The following TTC23 variants were observed in gnomAD, a reference collection of about 807,000 sequenced individuals.
TTC23 encodes tetratricopeptide repeat domain 23.
In TTC23, 58 loss-of-function variants were observed where a neutral mutation model predicts 55.1. The ratio of observed to expected loss-of-function variants is 1.05; its 90% CI spans 0.85 to 1.31. The LOEUF is 1.31. Ranked by LOEUF, TTC23 falls within the 50% of genes most tolerant of loss-of-function variation. The probability of loss-of-function intolerance (pLI) is 0.00; values close to 1 mark genes in which losing one functional copy is unlikely to be tolerated. For missense variants in TTC23, 516 were observed against 534.4 expected (o/e 0.97, Z 0.34); for synonymous variants, 203 against 199.9 (o/e 1.02, Z -0.13).
chr15:99,182,006 T>G (rs150338369), intron 9 of TTC23, among the ~76,000 whole-genome samples: 1 of 152,318 alleles, frequency 6.6e-6, no homozygotes, highest in East Asian at 1.9e-4. Context: ...GGGCTTATAT[T>G]TTCTTCGTTT....
rs766490988 is a variant in TTC23, at chr15:99,200,031, A to G, written c.647T>C (p.Val216Ala). The G allele has an allele frequency of 8.7e-6, 14 of 1,614,052 alleles. No homozygotes were observed. The highest frequency in any genetic ancestry group is 1.1e-5 in the Non-Finnish European group (13 of 1,179,948). ...LSHYQAALEY[V>A]EISKGETSRE... The stretch of plus-strand genomic sequence containing the variant: ...ACTTGTTTCACCTTTACTGATCTCA[A>G]CATATTCCAAAGCTGCTTGATAGTG... Residue 216 changes from valine to alanine, a missense_variant, in exon 9 of 14, where the codon GTT (valine) becomes GCT (alanine). By Grantham distance (64) the Val-to-Ala change is moderately conservative. Transcript: ENST00000394132.
intron 6 of TTC23, among the ~76,000 whole-genome samples, chr15:99,220,721 T>A (rs1333868499): frequency 1.3e-5 from 2 of 152,236 alleles, no homozygotes; most frequent in East Asian, 3.8e-4. Context: ...TTTTCTTTAT[T>A]CACTGGGCCA....
intron 6 of TTC23, among the ~76,000 whole-genome samples, chr15:99,221,472 A>C (rs1225152364): frequency 6.6e-6 from 1 of 152,174 alleles, no homozygotes; most frequent in Admixed American, 6.5e-5. Context: ...CCAACAGATT[A>C]ATTTTCTCCT....
At chr15:99,222,101 C>G (rs2077989050) in intron 5 of TTC23, among the ~76,000 whole-genome samples, 1 of 151,924 alleles carries the variant, frequency 6.6e-6, no homozygotes, top group Non-Finnish European at 1.5e-5. Flanking sequence ...ATTTATAGTA[C>G]ATTTAAGGGT....
In TTC23 at chr15:99,175,075, G is replaced by A. The variant is rs200058707; in HGVS notation, c.840C>T (p.Val280=). 23 of 1,614,144 alleles carry A rather than the reference G, an allele frequency of 1.4e-5. No homozygotes were observed. The African/African-American group carries it at 2.0e-4, about 14-fold the overall frequency. Residue 280 remains valine (V), a synonymous_variant, in exon 10 of 14, where the codon GTC becomes GTT. Coordinates refer to ENST00000394132, the MANE Select transcript of TTC23 (RefSeq NM_001288615.3). ...CATGGTGCTCGTGTCTCCCTGAAGC[G>A]ACAGCAGCATGGGCGACGATGTGTG... ...DSAHIVAHAA[V]ASGRHEHHDV...
chr15:99,152,560 C>T (rs1008072777), intron 12 of TTC23, among the ~76,000 whole-genome samples: 2 of 151,916 alleles, frequency 1.3e-5, no homozygotes, highest in East Asian at 1.9e-4. Context: ...TTAGTAGAGA[C>T]GGGGTTTCGC....
chr15:99,233,246 T>C (rs1385518726), intron 4 of TTC23, among the ~76,000 whole-genome samples: 1 of 152,200 alleles, frequency 6.6e-6, no homozygotes, highest in Non-Finnish European at 1.5e-5. Context: ...AAGTGATAAA[T>C]ATGTGAGGTA....
At chr15:99,246,777 G>T (rs947036102) in intron 1 of TTC23, among the ~76,000 whole-genome samples, 7 of 152,046 alleles carry the variant, frequency 4.6e-5, no homozygotes, top group African/African-American at 1.7e-4. Context: ...AAAATTAGCT[G>T]GGCGTGGTCG....
chr15:99,177,403 C>T (rs1009817888), intron 9 of TTC23, among the ~76,000 whole-genome samples: 2 of 152,210 alleles, frequency 1.3e-5, no homozygotes, highest in African/African-American at 4.8e-5. Flanking sequence ...TAAGGTCTGA[C>T]TTAAATGTTT....
chr15:99,188,761 G>A (rs779424319), intron 9 of TTC23, among the ~76,000 whole-genome samples: 9 of 151,954 alleles, frequency 5.9e-5, no homozygotes, highest in Non-Finnish European at 8.8e-5. Flanking sequence ...ATCCTGAGAC[G>A]TCATTTCTCA....
At chr15:99,242,407 T>G (rs1419257696) in intron 2 of TTC23, among the ~76,000 whole-genome samples, 1 of 152,178 alleles carries the variant, frequency 6.6e-6, no homozygotes, top group Non-Finnish European at 1.5e-5. Context: ...CAGTGATGTA[T>G]TCTACCAAAC....
At chr15:99,171,364 T>C (rs1333703191) in intron 10 of TTC23, among the ~76,000 whole-genome samples, 1 of 152,066 alleles carries the variant, frequency 6.6e-6, no homozygotes, top group Non-Finnish European at 1.5e-5. Context: ...CATGGTACTT[T>C]CTGGTATGAA....
intron 3 of TTC23, among the ~76,000 whole-genome samples, chr15:99,236,884 A>T (rs1283408158): frequency 6.6e-6 from 1 of 151,220 alleles, no homozygotes; most frequent in African/African-American, 2.4e-5. Context: ...CAATTTATTT[A>T]TTTTTTATTT....
intron 5 of TTC23, among the ~76,000 whole-genome samples, chr15:99,223,979 T>C (rs1380453395): frequency 6.6e-6 from 1 of 152,196 alleles, no homozygotes; most frequent in East Asian, 1.9e-4. Flanking sequence ...AGATCCAGGA[T>C]ACACCTAGGA....
intron 12 of TTC23, chr15:99,140,340 T>G (rs892436166): frequency 1.3e-5 from 2 of 152,134 alleles, no homozygotes; most frequent in Non-Finnish European, 2.9e-5. Flanking sequence ...ATGCAAAACT[T>G]GGAGCTTTTA....
intron 8 of TTC23, among the ~76,000 whole-genome samples, chr15:99,211,408 T>C (rs2077030799): frequency 6.6e-6 from 1 of 151,474 alleles, no homozygotes; most frequent in Non-Finnish European, 1.5e-5. Flanking sequence ...AAGAAGTAAG[T>C]ATATACAATT....
intron 9 of TTC23, among the ~76,000 whole-genome samples, chr15:99,191,388 C>G (rs1351492204): frequency 6.6e-6 from 1 of 152,206 alleles, no homozygotes; most frequent in Non-Finnish European, 1.5e-5. Flanking sequence ...TGGAGGCCAT[C>G]TTTCAGTTCA....
chr15:99,246,641 G>A (rs2080265266), intron 1 of TTC23, among the ~76,000 whole-genome samples: 1 of 149,758 alleles, frequency 6.7e-6, no homozygotes, highest in Non-Finnish European at 1.5e-5. Flanking sequence ...ATTAACATGG[G>A]CTGGCGCGAT....
rs1160313500 is a variant in TTC23, at chr15:99,136,612, A to G, written c.*1398T>C. 3 of 152,230 alleles carry G rather than the reference A, an allele frequency of 2.0e-5. No homozygotes were observed. Among genetic ancestry groups the G allele is most frequent in the African/African-American group, 7.2e-5 (3 of 41,452 alleles). The allele number at this position is 152,230 out of a possible 1,614,324, so 9.4% of individuals were successfully genotyped here. The stretch of plus-strand genomic sequence containing the variant: ...TCCCATTCATCAGGGCTCCACCCTC[A>G]TAACCTAATCACCTCTCCAAGACCC... On this transcript the variant is annotated 3_prime_UTR_variant, in exon 14 of 14. Transcript: ENST00000394132.
Sources: gnomAD v4.1 joint callset for allele counts (sites outside exome capture counted in the v4.1 genomes callset) on GRCh38, gnomAD v4.1.1 for gene constraint, MANE v1.5 for transcripts, NCBI Gene and HGNC (gene_info 2026-07-23, HGNC 2026-07-21) for gene names.